MKLN1: variants seen among roughly 807,000 people sequenced by gnomAD.
MKLN1 encodes the protein muskelin.
MKLN1 carries 18 observed loss-of-function variants against 99.0 expected under a neutral mutation model. The ratio of observed to expected loss-of-function variants is 0.18; its 90% CI spans 0.13 to 0.27. MKLN1 has a LOEUF of 0.27. Among genes scored for constraint, MKLN1 ranks in the 10% least tolerant of loss-of-function variants. The pLI, the probability that MKLN1 is intolerant of heterozygous loss-of-function variation, is 1.00. For missense variants in MKLN1, 621 were observed against 875.9 expected, an observed-to-expected ratio of 0.71 and a Z score of 3.67; for synonymous variants, 288 against 293.2, an observed-to-expected ratio of 0.98 and a Z score of 0.18.
intron 3 of MKLN1, among the ~76,000 whole-genome samples, chr7:131,241,827 T>C (rs906498120): frequency 6.6e-6 from 1 of 152,214 alleles, no homozygotes; most frequent in African/African-American, 2.4e-5. Flanking sequence ...TTTGATTACT[T>C]TCCCTCATTT....
chr7:131,276,730 A>G (rs1797980847), intron 3 of MKLN1, among the ~76,000 whole-genome samples: 1 of 152,184 alleles, frequency 6.6e-6, no homozygotes, highest in Non-Finnish European at 1.5e-5. Flanking sequence ...AGCCACTGAG[A>G]TTTGGGGGTC....
chr7:131,408,950 C>T (rs1336523443), intron 6 of MKLN1, among the ~76,000 whole-genome samples: 1 of 152,080 alleles, frequency 6.6e-6, no homozygotes, highest in Non-Finnish European at 1.5e-5. Context: ...GTGCTTTCTC[C>T]TAGTGATATT....
chr7:131,188,663 C>A (rs768197258), intron 2 of MKLN1, among the ~76,000 whole-genome samples: 3 of 152,204 alleles, frequency 2.0e-5, no homozygotes, highest in Admixed American at 6.5e-5. Context: ...CAGGCCCAGA[C>A]TCAAGGAATG....
rs770237146 is a variant in MKLN1 at position 131,399,299 on chromosome 7, C to T, written c.569C>T (p.Thr190Ile). 1.9e-6 allele frequency: 3 copies of T among 1,613,982 alleles called. No individual in the cohort carries two copies. Among genetic ancestry groups the T allele is most frequent in the Non-Finnish European group, 1.7e-6 (2 of 1,179,922 alleles). The stretch of plus-strand genomic sequence containing the variant: ...AAACACTTCAGACAACACAACTATA[C>T]AGAAGCTTTTGAGTCACTGCAAAAG... ...CLKHFRQHNY[T>I]EAFESLQKKT... The change falls in exon 6 of 18, where the codon ACA (threonine) becomes ATA (isoleucine). Residue 190 changes from threonine to isoleucine, a missense_variant. Physicochemically the swap from Thr to Ile is moderately conservative, Grantham distance 89. This residue lies in a region of MKLN1 where 361 missense variants were observed against 540.8 expected (regional missense o/e 0.67). Transcript: ENST00000352689.
At chr7:131,240,760 C>G (rs1016239564) in intron 3 of MKLN1, among the ~76,000 whole-genome samples, 2 of 152,080 alleles carry the variant, frequency 1.3e-5, no homozygotes, top group Non-Finnish European at 2.9e-5. Context: ...TTAAATGACA[C>G]AGTAGGCAAA....
intron 8 of MKLN1, among the ~76,000 whole-genome samples, chr7:131,418,921 A>G (rs868185676): frequency 1.2e-4 from 19 of 152,290 alleles, no homozygotes; most frequent in Middle Eastern, 6.8e-3. Context: ...ATTATGGTTC[A>G]GGTTAAATTA....
At chr7:131,204,389 C>A (rs1796774760) in intron 3 of MKLN1, among the ~76,000 whole-genome samples, 1 of 152,058 alleles carries the variant, frequency 6.6e-6, no homozygotes, top group Non-Finnish European at 1.5e-5. Flanking sequence ...AATAGCTTGC[C>A]AAATTTCAAC....
At chr7:131,142,691 C>T (rs1795754740) in intron 1 of MKLN1, 1 of 296,452 alleles carries the variant, frequency 3.4e-6, no homozygotes. Context: ...GCTGAGATCG[C>T]CCCACTGCAC....
intron 12 of MKLN1, 73 bp downstream of exon 12, chr7:131,445,976 T>C: frequency 2.0e-6 from 2 of 1,012,026 alleles, no homozygotes; most frequent in Non-Finnish European, 2.8e-6. Context: ...CATTCTCTTT[T>C]CTTTCTAATC....
At chr7:131,141,231 A>G (rs1795728082) in intron 1 of MKLN1, among the ~76,000 whole-genome samples, 1 of 152,082 alleles carries the variant, frequency 6.6e-6, no homozygotes, top group Non-Finnish European at 1.5e-5. Context: ...ATATCCTCCG[A>G]TTTCTAGATC....
At chr7:131,323,639 G>A (rs1260753000), upstream of MKLN1, 1 of 152,172 alleles carries the variant, frequency 6.6e-6, no homozygotes, top group Non-Finnish European at 1.5e-5. Flanking sequence ...TAAAAAGAGT[G>A]TTCAGGTTTT....
At chr7:131,415,275 C>T (rs1794984743) in intron 8 of MKLN1, among the ~76,000 whole-genome samples, 1 of 151,780 alleles carries the variant, frequency 6.6e-6, no homozygotes, top group African/African-American at 2.4e-5. Flanking sequence ...GCAAATAATA[C>T]CAATAATCTA....
Position 131,327,883 on chromosome 7 carries a change from G to A in MKLN1, c.-17G>A, listed in dbSNP as rs757455696. ...TCGCTGCCAGCGGTCGGTGGCGGCC[G>A]CTACGGTGCTGACAAGATGGCGGCT... On this transcript the variant is annotated 5_prime_UTR_variant, in exon 1 of 18. Coordinates refer to ENST00000352689, the MANE Select transcript of MKLN1 (RefSeq NM_013255.5). 22 of 1,609,234 alleles carry A rather than the reference G, an allele frequency of 1.4e-5. No homozygotes were observed. The highest frequency in any genetic ancestry group is 1.1e-4 in the East Asian group (5 of 44,794).
intron 6 of MKLN1, among the ~76,000 whole-genome samples, chr7:131,399,891 T>C (rs547712928): frequency 1.7e-4 from 26 of 152,318 alleles, no homozygotes; most frequent in Admixed American, 1.2e-3. Flanking sequence ...TTGCTGATTT[T>C]CTTGTGTGAC....
At chr7:131,262,227 A>G (rs1410174085) in intron 3 of MKLN1, among the ~76,000 whole-genome samples, 1 of 152,112 alleles carries the variant, frequency 6.6e-6, no homozygotes, top group Non-Finnish European at 1.5e-5. Context: ...CGAGGTCAAG[A>G]GATCGAGACC....
intron 1 of MKLN1, among the ~76,000 whole-genome samples, chr7:131,136,535 T>C (rs2116244569): frequency 6.6e-6 from 1 of 152,278 alleles, no homozygotes; most frequent in Middle Eastern, 3.4e-3. Flanking sequence ...TGTGTCATTT[T>C]CCTCAAATGG....
chr7:131,167,574 A>T (rs144358564), intron 2 of MKLN1, among the ~76,000 whole-genome samples: 25 of 151,174 alleles, frequency 1.7e-4, no homozygotes, highest in Middle Eastern at 3.4e-3. Context: ...CAGGAGGCTG[A>T]GGTGAGAGGA....
At chr7:131,190,798 A>G (rs986192133) in intron 2 of MKLN1, among the ~76,000 whole-genome samples, 7 of 152,186 alleles carry the variant, frequency 4.6e-5, no homozygotes, top group Admixed American at 6.6e-5. Flanking sequence ...GGAGCGCTGC[A>G]GAGAAATCTG....
chr7:131,365,129 T>C (rs1489903336), intron 1 of MKLN1, among the ~76,000 whole-genome samples: 8 of 152,168 alleles, frequency 5.3e-5, no homozygotes, highest in Non-Finnish European at 8.8e-5. Flanking sequence ...TCTGTCATTT[T>C]TGACTTTAGT....
Sources: gnomAD v4.1 joint callset for allele counts (sites outside exome capture counted in the v4.1 genomes callset) on GRCh38, gnomAD v4.1.1 for gene constraint, gnomAD v4.1.1 regional missense constraint, MANE v1.5 for transcripts, NCBI Gene and HGNC (gene_info 2026-07-23, HGNC 2026-07-21) for gene names.